Variants in KIF21A observed in about 807,000 individuals in gnomAD.
KIF21A encodes the protein kinesin-like protein KIF21A.
A neutral mutation model predicts 202.9 loss-of-function variants in KIF21A; 114 were observed. The observed-to-expected ratio is 0.56, with a 90% confidence interval of 0.48 to 0.66. The LOEUF (loss-of-function observed/expected upper bound fraction) is 0.66, where lower values mean the gene tolerates loss of function less well. Among genes scored for constraint, KIF21A ranks in the 30% least tolerant of loss-of-function variants. KIF21A has a pLI of 0.00. For synonymous variants in KIF21A, 667 were observed against 670.8 expected (o/e 0.99, Z 0.09); for missense variants, 1,677 against 1,994.9 (o/e 0.84, Z 3.04).
chr12:39,370,362 CTCATGTAAT>C, intron 1 of KIF21A, 101 bp from the exon 2 acceptor site: 1 of 802,454 alleles, frequency 1.2e-6, no homozygotes, highest in East Asian at 2.5e-5. Flanking sequence ...TTTTTTAAAA[CTCATGTAAT>C]TACCTAATGC....
intron 1 of KIF21A, among the ~76,000 whole-genome samples, chr12:39,426,626 A>T (rs1259953298): frequency 1.3e-5 from 2 of 151,818 alleles, no homozygotes; most frequent in Non-Finnish European, 2.9e-5. Flanking sequence ...TAATCCCAGC[A>T]CTTTGTGAGG....
chr12:39,317,961 ACAC>A, intron 29 of KIF21A, 109 bp downstream of exon 29: 1 of 1,104,368 alleles, frequency 9.1e-7, no homozygotes. Context: ...GCAAGAGTTC[ACAC>A]GTCAGGCTCC....
chr12:39,330,134 C>A, intron 24 of KIF21A, 108 bp downstream of exon 24: 1 of 1,057,716 alleles, frequency 9.5e-7, no homozygotes, highest in East Asian at 2.4e-5. Flanking sequence ...GCAAAAACCA[C>A]TTGACCGCCA....
intron 5 of KIF21A, 33 bp from the exon 6 acceptor site, chr12:39,366,550 A>C: frequency 6.8e-7 from 1 of 1,461,146 alleles, no homozygotes; most frequent in South Asian, 1.2e-5. Flanking sequence ...AAAATACTTT[A>C]TTAATGTAAC....
At position 39,342,027 on chromosome 12, in the gene KIF21A, T is replaced by C. The variant is rs759971514; in HGVS notation, c.1803+7A>G. 1.1e-5 allele frequency: 18 copies of C among 1,587,304 alleles called. No individual in the cohort carries two copies. The Admixed American group carries it at 1.5e-4, about 13-fold the overall frequency. ...TAAAACTGACAAGTTCATTCTTTCA[T>C]ACTTACCACTTCTAATTCATTGTTT... On this transcript the variant is annotated splice_region_variant and intron_variant, in intron 13 of 37. Coordinates refer to ENST00000361418, the MANE Select transcript of KIF21A (RefSeq NM_001173464.2).
At chr12:39,337,232 A>G (rs1469542569) in intron 16 of KIF21A, 29 bp from the exon 17 acceptor site, 3 of 1,351,116 alleles carry the variant, frequency 2.2e-6, no homozygotes, top group Admixed American at 1.7e-5. Flanking sequence ...ACATCTATTG[A>G]AATTACTCTG....
At position 39,307,506 on chromosome 12, in the gene KIF21A, T is replaced by C. The variant is rs1421337184; in HGVS notation, c.4442+59A>G. 4 of 1,524,220 alleles carry C rather than the reference T, an allele frequency of 2.6e-6. No individual in the cohort carries two copies. The African/African-American group carries it at 4.1e-5, about 16-fold the overall frequency. The allele number at this position is 1,524,220 out of a possible 1,614,324, so 94.4% of individuals were successfully genotyped here. A position where few individuals can be genotyped will look rare whatever the true frequency, so the allele number is the denominator to read the frequency against. Reference sequence around the variant, plus strand: ...TTGGATTTCACATGCACTAATGTTATTAATGTCTGAAGTTGTATTTGCCAT... The same window carrying C: ...TTGGATTTCACATGCACTAATGTTACTAATGTCTGAAGTTGTATTTGCCAT... On this transcript the variant is annotated intron_variant, in intron 34 of 37. Transcript: ENST00000361418.
intron 1 of KIF21A, among the ~76,000 whole-genome samples, chr12:39,438,560 T>C (rs529101625): frequency 2.6e-5 from 4 of 152,306 alleles, no homozygotes; most frequent in African/African-American, 9.6e-5. Context: ...TGCCACTCCT[T>C]AAATTGCTTT....
chr12:39,436,422 T>TTA (rs1199818833), intron 1 of KIF21A, among the ~76,000 whole-genome samples: 10,125 of 98,996 alleles, frequency 0.1, 723 homozygotes, highest in East Asian at 0.15. Context: ...GTTTACTATA[T>TTA]TATATATATA....
intron 1 of KIF21A, among the ~76,000 whole-genome samples, chr12:39,370,704 C>G (rs1949898077): frequency 6.6e-6 from 1 of 151,984 alleles, no homozygotes. Context: ...TCTTGACGCC[C>G]TTGACTCGTC....
chr12:39,318,339 T>A, intron 28 of KIF21A, 138 bp from the exon 29 acceptor site: 2 of 806,822 alleles, frequency 2.5e-6, no homozygotes, highest in South Asian at 3.2e-5. Flanking sequence ...TTTTGTAAGA[T>A]AAAATGCATT....
intron 1 of KIF21A, among the ~76,000 whole-genome samples, chr12:39,420,606 C>T (rs961061549): frequency 1.1e-4 from 16 of 152,038 alleles, no homozygotes; most frequent in African/African-American, 3.9e-4. Context: ...TAAGGCGAGT[C>T]CCCCTTTCCC....
intron 10 of KIF21A, chr12:39,356,483 T>C: frequency 1.2e-5 from 2 of 172,620 alleles, no homozygotes; most frequent in Non-Finnish European, 2.4e-5. Flanking sequence ...GTGTAGATAT[T>C]GATCTATTCC....
rs78164699 is a variant in KIF21A at position 39,305,736 on chromosome 12, T to A, written c.4443-798A>T. On this transcript the variant is annotated intron_variant, in intron 34 of 37. Transcript: ENST00000361418. ...CAACCTAAATCCACCTAAACATCAA[T>A]CTGCTAAATGTCTGAATATGTGATA... Among the ~76,000 whole-genome samples the A allele has an allele frequency of 4.1e-3, 631 of 152,280 alleles. 6 individuals carry two copies. The highest frequency in any genetic ancestry group is 0.015 in the African/African-American group (616 of 41,556).
intron 1 of KIF21A, among the ~76,000 whole-genome samples, chr12:39,418,187 C>A (rs1172317866): frequency 3.3e-5 from 5 of 149,668 alleles, no homozygotes; most frequent in Non-Finnish European, 5.9e-5. Flanking sequence ...AAACAAGACC[C>A]TGACTAAAAA....
intron 1 of KIF21A, among the ~76,000 whole-genome samples, chr12:39,434,488 C>A (rs1346705618): frequency 6.6e-6 from 1 of 152,188 alleles, no homozygotes; most frequent in Non-Finnish European, 1.5e-5. Flanking sequence ...TGTATAAAAA[C>A]CATTTTTCAA....
At chr12:39,435,001 A>T (rs574764942) in intron 1 of KIF21A, among the ~76,000 whole-genome samples, 46 of 152,354 alleles carry the variant, frequency 3.0e-4, no homozygotes, top group Admixed American at 2.5e-3. Context: ...TGACAGACAC[A>T]ACTCTCCAAA....
intron 22 of KIF21A, among the ~76,000 whole-genome samples, chr12:39,331,276 G>C (rs948234144): frequency 4.0e-5 from 6 of 151,614 alleles, no homozygotes; most frequent in African/African-American, 1.5e-4. Flanking sequence ...TTTTCTTACA[G>C]GTGACAAATT....
chr12:39,387,204 A>ACACACACACACAC (rs1951009103), intron 1 of KIF21A, among the ~76,000 whole-genome samples: 2 of 144,298 alleles, frequency 1.4e-5, no homozygotes, highest in African/African-American at 5.1e-5. Flanking sequence ...ACACACACAC[A>ACACACACACACAC]AGCTTGGACT....
Sources: gnomAD v4.1 joint callset for allele counts (sites outside exome capture counted in the v4.1 genomes callset) on GRCh38, gnomAD v4.1.1 for gene constraint, MANE v1.5 for transcripts, NCBI Gene and HGNC (gene_info 2026-07-23, HGNC 2026-07-21) for gene names.